The following COL28A1 variants were observed in gnomAD, a reference collection of about 807,000 sequenced individuals.
COL28A1 encodes the protein collagen alpha-1(XXVIII) chain.
A neutral mutation model predicts 150.2 loss-of-function variants in COL28A1; 161 were observed. The ratio of observed to expected loss-of-function variants is 1.07; its 90% confidence interval spans 0.94 to 1.22. The LOEUF is 1.22. Ranked by LOEUF, COL28A1 falls within the 50% of genes most tolerant of loss-of-function variation. The probability of loss-of-function intolerance (pLI) is 0.00; values close to 1 mark genes in which losing one functional copy is unlikely to be tolerated. For missense variants in COL28A1, 1,617 were observed against 1,388.3 expected (o/e 1.16, Z -2.62); for synonymous variants, 552 against 469.7 (o/e 1.18, Z -2.26).
intron 11 of COL28A1, among the ~76,000 whole-genome samples, chr7:7,503,363 A>C (rs567287246): frequency 6.6e-6 from 1 of 152,368 alleles, no homozygotes; most frequent in East Asian, 1.9e-4. Flanking sequence ...AACTTTACTT[A>C]TACATAATAA....
chr7:7,345,295 A>G, the COL28A1 span, among the ~76,000 whole-genome samples: 83 of 152,190 alleles, frequency 5.5e-4, no homozygotes, highest in Non-Finnish European at 9.6e-4. Flanking sequence ...AAAAAAAAGC[A>G]TACAGAATAT....
At chr7:7,437,776 T>C (rs1562645908) in intron 21 of COL28A1, among the ~76,000 whole-genome samples, 1 of 152,236 alleles carries the variant, frequency 6.6e-6, no homozygotes, top group Non-Finnish European at 1.5e-5. Flanking sequence ...TGTTGTATGT[T>C]GGGAAGCTCA....
chr7:7,527,346 AGGT>A (rs1782083059), intron 3 of COL28A1, among the ~76,000 whole-genome samples: 1 of 152,242 alleles, frequency 6.6e-6, no homozygotes, highest in Admixed American at 6.5e-5. Context: ...TTCTTGGAAT[AGGT>A]GGGTTTTCTG....
At chr7:7,355,325 T>C (rs988933196), downstream of COL28A1, among the ~76,000 whole-genome samples, 6 of 151,920 alleles carry the variant, frequency 3.9e-5, no homozygotes, top group Non-Finnish European at 8.8e-5. Context: ...TAAATAAAAA[T>C]AATATACTGG....
At chr7:7,407,643 G>A (rs1391560235) in intron 27 of COL28A1, among the ~76,000 whole-genome samples, 2 of 151,620 alleles carry the variant, frequency 1.3e-5, no homozygotes, top group Non-Finnish European at 2.9e-5. Context: ...AAAGTAAAAT[G>A]GAAAAAAATT....
chr7:7,368,794 C>T (rs1323911271), intron 33 of COL28A1, among the ~76,000 whole-genome samples: 1 of 152,170 alleles, frequency 6.6e-6, no homozygotes, highest in Non-Finnish European at 1.5e-5. Flanking sequence ...GTTGTTTAAG[C>T]CACTCAGTCT....
chr7:7,358,051 A>G lies in COL28A1; in HGVS notation c.*582T>C, dbSNP rs2128276459. On this transcript the variant is annotated 3_prime_UTR_variant, in exon 35 of 35. Coordinates refer to ENST00000399429, the MANE Select transcript of COL28A1 (RefSeq NM_001037763.3). ...TCTGTGATACATTTAAGTAATTGTA[A>G]TTCAGATTGGTTTCTCCCTATTACC... The G allele has an allele frequency of 6.6e-6, 1 of 152,378 alleles. No homozygotes were observed. The highest frequency in any genetic ancestry group is 1.9e-4 in the East Asian group (1 of 5,188). The allele number at this position is 152,378 out of a possible 1,614,324, so 9.4% of individuals were successfully genotyped here.
chr7:7,380,940 A>G, intron 28 of COL28A1, 78 bp from the exon 29 acceptor site: 1 of 1,251,612 alleles, frequency 8.0e-7, no homozygotes, highest in South Asian at 1.3e-5. Flanking sequence ...TAATTTGGTT[A>G]TCTGCAACTG....
chr7:7,425,396 C>A (rs936113509), intron 25 of COL28A1, among the ~76,000 whole-genome samples: 2 of 152,336 alleles, frequency 1.3e-5, no homozygotes, highest in East Asian at 3.9e-4. Flanking sequence ...CCTTTCCCTA[C>A]ATCGCCAGTC....
intron 27 of COL28A1, among the ~76,000 whole-genome samples, chr7:7,399,146 CT>C (rs1191001120): frequency 6.6e-6 from 1 of 152,172 alleles, no homozygotes; most frequent in Non-Finnish European, 1.5e-5. Flanking sequence ...TTAGCCACAT[CT>C]GCTTTTCACT....
At position 7,398,200 on chromosome 7, in the gene COL28A1, G is replaced by C. The variant is rs542214577; in HGVS notation, c.2137-16588C>G. On this transcript the variant is annotated intron_variant, in intron 27 of 34. Coordinates refer to ENST00000399429, the MANE Select transcript of COL28A1 (RefSeq NM_001037763.3). The stretch of plus-strand genomic sequence containing the variant: ...CTCCTACTGAATTCTATTCTTCAGA[G>C]GCCATTCTTCTGATAGTCATCAAAC... Among the ~76,000 whole-genome samples, 4 of 152,274 alleles carry C rather than the reference G, an allele frequency of 2.6e-5. No individual in the cohort carries two copies. In the East Asian group the frequency reaches 7.7e-4, roughly 29 times the overall value.
intron 33 of COL28A1, among the ~76,000 whole-genome samples, chr7:7,369,747 G>C (rs758911): frequency 0.014 from 2,138 of 152,228 alleles, 67 homozygotes; most frequent in African/African-American, 0.049. Context: ...CTACTGATCC[G>C]AATGTTCCTT....
chr7:7,409,295 A>C (rs1260719441), intron 27 of COL28A1, among the ~76,000 whole-genome samples: 1 of 152,154 alleles, frequency 6.6e-6, no homozygotes, highest in African/African-American at 2.4e-5. Flanking sequence ...AGCAGCTAAG[A>C]GTAACTTATT....
rs77530123 is a variant in COL28A1, at chr7:7,493,739, T to C, written c.1027-3093A>G. Among the ~76,000 whole-genome samples, 328 of 152,186 alleles carry C rather than the reference T, an allele frequency of 2.2e-3. 1 individual carries two copies. Among genetic ancestry groups the C allele is most frequent in the African/African-American group, 7.4e-3 (307 of 41,506 alleles). The stretch of plus-strand genomic sequence containing the variant: ...GGTCCTGACTCTAAAATATGCTGTC[T>C]GGGTAAAAACAAAACAGGGAGGGAA... On this transcript the variant is annotated intron_variant, in intron 11 of 34. Coordinates refer to ENST00000399429, the MANE Select transcript of COL28A1 (RefSeq NM_001037763.3).
chr7:7,363,090 G>A (rs951004324), intron 33 of COL28A1, among the ~76,000 whole-genome samples: 2 of 152,092 alleles, frequency 1.3e-5, no homozygotes, highest in African/African-American at 4.8e-5. Context: ...TTGCCTGCAT[G>A]TATTTGGTTT....
chr7:7,422,836 G>A (rs924770661), intron 25 of COL28A1, among the ~76,000 whole-genome samples: 4 of 152,154 alleles, frequency 2.6e-5, no homozygotes, highest in Non-Finnish European at 5.9e-5. Context: ...AGACGGAAGA[G>A]GGAGAAACAC....
At chr7:7,472,096 C>T (rs1241015563) in intron 15 of COL28A1, among the ~76,000 whole-genome samples, 2 of 152,140 alleles carry the variant, frequency 1.3e-5, no homozygotes, top group Non-Finnish European at 2.9e-5. Context: ...AAAGCATTCC[C>T]TCTGAGAACT....
At chr7:7,435,628 A>G (rs1055553152) in intron 23 of COL28A1, among the ~76,000 whole-genome samples, 3 of 152,160 alleles carry the variant, frequency 2.0e-5, no homozygotes, top group Non-Finnish European at 4.4e-5. Context: ...TTTTTATACA[A>G]CAGGTTTTGC....
chr7:7,452,305 A>C lies in COL28A1; in HGVS notation c.1509+14T>G. On this transcript the variant is annotated intron_variant, in intron 18 of 34. Transcript: ENST00000399429. The stretch of plus-strand genomic sequence containing the variant: ...ATAAAGTATCATATCACTTCTGAGC[A>C]GCAGTCAACTCACCTTTGGACCTTG... The C allele has an allele frequency of 6.3e-7, 1 of 1,598,502 alleles. No individual in the cohort carries two copies. Among genetic ancestry groups the C allele is most frequent in the Non-Finnish European group, 8.5e-7 (1 of 1,176,404 alleles).
Sources: gnomAD v4.1 joint callset for allele counts (sites outside exome capture counted in the v4.1 genomes callset) on GRCh38, gnomAD v4.1.1 for gene constraint, MANE v1.5 for transcripts, NCBI Gene and HGNC (gene_info 2026-07-23, HGNC 2026-07-21) for gene names.